The following UVSSA variants were observed in gnomAD, a reference collection of about 807,000 sequenced individuals.
UVSSA encodes UV stimulated scaffold protein A.
UVSSA carries 72 observed loss-of-function variants against 73.9 expected under a neutral mutation model. The ratio of observed to expected loss-of-function variants is 0.97; its 90% CI spans 0.81 to 1.19. The LOEUF is 1.19. Ranked by LOEUF, UVSSA falls within the 50% of genes most tolerant of loss-of-function variation. UVSSA has a pLI of 0.00. For missense variants in UVSSA, 1,150 were observed against 965.0 expected (o/e 1.19, Z -2.54); for synonymous variants, 454 against 391.3 (o/e 1.16, Z -1.89).
chr4:1,355,089 C>T, intron 6 of UVSSA, 28 bp from the exon 7 acceptor site: 1 of 1,611,892 alleles, frequency 6.2e-7, no homozygotes, highest in Non-Finnish European at 8.5e-7. Flanking sequence ...CGGCCGGCCC[C>T]TGAGCTGTTC....
chr4:1,391,609 C>G (rs1720416155), downstream of UVSSA: 1 of 152,142 alleles, frequency 6.6e-6, no homozygotes, highest in South Asian at 2.1e-4. Flanking sequence ...AGCCACTTAG[C>G]TCTTTTTTGA....
chr4:1,360,446 C>T (rs943909753), intron 7 of UVSSA, among the ~76,000 whole-genome samples: 33 of 152,234 alleles, frequency 2.2e-4, no homozygotes, highest in Non-Finnish European at 2.9e-5. Context: ...GTTTTCCACC[C>T]CATTTTACAG....
intron 3 of UVSSA, among the ~76,000 whole-genome samples, 192 bp from the exon 4 acceptor site, chr4:1,351,523 C>G (rs901347228): frequency 6.6e-6 from 1 of 151,626 alleles, no homozygotes; most frequent in Non-Finnish European, 1.5e-5. Context: ...GTAGCTGGGA[C>G]TACAGGCGCC....
chr4:1,369,840 T>C (rs10016557), intron 8 of UVSSA, among the ~76,000 whole-genome samples: 116,946 of 152,302 alleles, frequency 0.77, 45,914 homozygotes, highest in African/African-American at 0.94. Context: ...TCAAAACAAC[T>C]GTGGGAGTGA....
At chr4:1,354,672 C>T in intron 5 of UVSSA, 63 bp from the exon 6 acceptor site, 1 of 1,487,126 alleles carries the variant, frequency 6.7e-7, no homozygotes, top group South Asian at 1.2e-5. Flanking sequence ...TGGTCTGCCT[C>T]TCCGGGGCCT....
At chr4:1,374,388 A>G (rs997645979) in intron 8 of UVSSA, among the ~76,000 whole-genome samples, 11 of 152,216 alleles carry the variant, frequency 7.2e-5, no homozygotes, top group Non-Finnish European at 1.5e-5. Flanking sequence ...AGGCGCCGTC[A>G]GGGTCGGGGT....
At chr4:1,373,222 C>T (rs1263909750) in intron 8 of UVSSA, among the ~76,000 whole-genome samples, 2 of 152,190 alleles carry the variant, frequency 1.3e-5, no homozygotes, top group African/African-American at 2.4e-5. Flanking sequence ...CACAAGGTCC[C>T]ACAAGAGGCC....
chr4:1,392,381 A>G (rs1361049268), downstream of UVSSA: 1 of 152,216 alleles, frequency 6.6e-6, no homozygotes, highest in Non-Finnish European at 1.5e-5. Context: ...CTGGCTTTGC[A>G]GTTGTCTTTT....
At chr4:1,348,642 A>C (rs963754329) in intron 2 of UVSSA, among the ~76,000 whole-genome samples, 3 of 152,182 alleles carry the variant, frequency 2.0e-5, no homozygotes, top group Non-Finnish European at 4.4e-5. Flanking sequence ...AGGCAGCCAG[A>C]GATTCATGGG....
chr4:1,349,620 G>A lies in UVSSA; in HGVS notation c.195G>A (p.Val65=), dbSNP rs772115311. ...TCCGTCTCTCAGCCTTCCAGATTGT[G>A]GAGGAACTCTTCGTCAGGTCTCACC... is the stretch of plus-strand genomic sequence containing the variant. ...AEIRLSAFQI[V]EELFVRSHQF... The change falls in exon 3 of 14, where the codon GTG becomes GTA. Residue 65 remains valine (V), a synonymous_variant. Coordinates refer to ENST00000389851, the MANE Select transcript of UVSSA (RefSeq NM_020894.4). 5.6e-6 allele frequency: 9 copies of A among 1,613,968 alleles called. No individual in the cohort carries two copies. Among genetic ancestry groups the A allele is most frequent in the Non-Finnish European group, 7.6e-6 (9 of 1,180,030 alleles).
intron 9 of UVSSA, 35 bp downstream of exon 9, chr4:1,375,543 C>T: frequency 1.3e-6 from 2 of 1,592,298 alleles, no homozygotes; most frequent in Non-Finnish European, 1.7e-6. Context: ...GAGCCCCCTG[C>T]CCGGCGCTGC....
rs1471109894 is a variant in UVSSA, at chr4:1,383,880, C to G, written c.1976C>G (p.Thr659Ser). Residue 659 changes from threonine to serine, a missense_variant, in exon 13 of 14, where the codon ACC (threonine) becomes AGC (serine). Physicochemically the swap from Thr to Ser is moderately conservative, Grantham distance 58. Transcript: ENST00000389851. ...AAGAAGAGGAGGTACCCCAGCCTCA[C>G]CAACCTGAAGGCTCAGGCTGATACC... is the stretch of plus-strand genomic sequence containing the variant. ...RGKKRRYPSL[T>S]NLKAQADTAR... The G allele has an allele frequency of 6.2e-7, 1 of 1,613,576 alleles. No individual in the cohort carries two copies. Among genetic ancestry groups the G allele is most frequent in the Admixed American group, 1.7e-5 (1 of 60,018 alleles).
At chr4:1,347,783 G>A (rs1713937616) in intron 1 of UVSSA, 23 bp downstream of exon 1, 3 of 307,152 alleles carry the variant, frequency 9.8e-6, no homozygotes, top group Admixed American at 4.8e-5. Flanking sequence ...AACAGCAACA[G>A]TCACGTTGGG....
intron 8 of UVSSA, among the ~76,000 whole-genome samples, chr4:1,372,685 GGCACTCACGTCCCGCATCTCAGA>G (rs1718212570): frequency 2.5e-5 from 3 of 121,170 alleles, no homozygotes; most frequent in East Asian, 4.1e-4. Flanking sequence ...CGCGTCTCAG[GGCACTCACGTCCCGCATCTCAGA>G]GCACTCATCT....
intron 8 of UVSSA, among the ~76,000 whole-genome samples, chr4:1,372,079 A>AT (rs925262284): frequency 1.3e-5 from 2 of 151,894 alleles, no homozygotes; most frequent in Non-Finnish European, 2.9e-5. Flanking sequence ...TTACCCTCCT[A>AT]TTTTTTACTT....
At chr4:1,377,624 C>T (rs1329196299) in intron 10 of UVSSA, among the ~76,000 whole-genome samples, 1 of 152,178 alleles carries the variant, frequency 6.6e-6, no homozygotes. Flanking sequence ...TCCCACCTGC[C>T]TGGCCCGTCC....
chr4:1,395,243 G>A lies in UVSSA; in HGVS notation c.*9282G>A. ...GCGGAGTGCCCGCCTGCTCACACGT[G>A]CCCATGTGGAGTGCCCGCCTGCTCA... On this transcript the variant is annotated 3_prime_UTR_variant, in exon 14 of 14. Coordinates refer to the UVSSA transcript ENST00000511216. 1.3e-5 allele frequency: 19 copies of A among 1,456,570 alleles called. 3 individuals carry two copies. Among genetic ancestry groups the A allele is most frequent in the Non-Finnish European group, 1.7e-5 (19 of 1,094,804 alleles). The allele number at this position is 1,456,570 out of a possible 1,614,324, so 90.2% of individuals were successfully genotyped here.
rs1034414450 is a variant in UVSSA, at chr4:1,379,359, G to A, written c.1569-688G>A. Among the ~76,000 whole-genome samples the A allele has an allele frequency of 3.9e-5, 6 of 152,352 alleles. 1 individual carries two copies. Among genetic ancestry groups the A allele is most frequent in the South Asian group, 2.1e-4 (1 of 4,832 alleles). ...CTGGGCATCCAGGTGGGCAGGGGGTGGAGTCCTCTGAGGCCGGCCTCCTCT... is the reference window on the plus strand; with the variant it reads ...CTGGGCATCCAGGTGGGCAGGGGGTAGAGTCCTCTGAGGCCGGCCTCCTCT... On this transcript the variant is annotated intron_variant, in intron 10 of 13. Coordinates refer to ENST00000389851, the MANE Select transcript of UVSSA (RefSeq NM_020894.4).
At chr4:1,345,686 C>T (rs1713612874), upstream of UVSSA, among the ~76,000 whole-genome samples, 1 of 145,186 alleles carries the variant, frequency 6.9e-6, no homozygotes, top group Admixed American at 6.9e-5. Flanking sequence ...GCTGCAGGGC[C>T]ATCAGCGGAT....
Sources: allele counts gnomAD v4.1 joint callset (sites outside exome capture counted in the v4.1 genomes callset), GRCh38; gene constraint gnomAD v4.1.1; transcripts MANE v1.5; gene names NCBI Gene and HGNC (gene_info 2026-07-23, HGNC 2026-07-21).